The following ACD variants were observed in gnomAD, a reference collection of about 807,000 sequenced individuals.
ACD encodes the protein adrenocortical dysplasia protein homolog.
ACD carries 39 observed loss-of-function variants against 53.9 expected under a neutral mutation model. The ratio of observed to expected loss-of-function variants is 0.72; its 90% CI spans 0.56 to 0.95. The LOEUF is 0.95. Ranked by LOEUF, ACD falls within the 40% of genes least tolerant of loss-of-function variation. The pLI is 0.00. For synonymous variants in ACD, 273 were observed against 249.2 expected (o/e 1.10, Z -0.90); for missense variants, 526 against 587.9 (o/e 0.89, Z 1.09).
rs745664221 is a variant in ACD at position 67,659,633 on chromosome 16, AG to A, written c.337-21del. On this transcript the variant is annotated intron_variant, in intron 3 of 11. Transcript: ENST00000620761. ...TGCGGGCTGGAGGAGTTCGGGGGGAAGGGGGGGTCTCAGAATCGTCACGAAG... is the reference window on the plus strand; with the variant it reads ...TGCGGGCTGGAGGAGTTCGGGGGGAAGGGGGGTCTCAGAATCGTCACGAAG... The A allele has an allele frequency of 2.1e-5, 34 of 1,612,858 alleles. No individual in the cohort carries two copies. Among genetic ancestry groups the A allele is most frequent in the South Asian group, 1.6e-4 (15 of 91,074 alleles).
chr16:67,659,850 C>T (rs2052966803), intron 2 of ACD, 53 bp downstream of exon 2: 2 of 1,581,686 alleles, frequency 1.3e-6, no homozygotes, highest in Non-Finnish European at 1.7e-6. Flanking sequence ...GGCCCGCCCA[C>T]CTCGCGCTCT....
chr16:67,659,599 A>G lies in ACD; in HGVS notation c.351T>C (p.Tyr117=). The G allele has an allele frequency of 8.7e-6, 14 of 1,613,414 alleles. No individual in the cohort carries two copies. The highest frequency in any genetic ancestry group is 1.3e-5 in the African/African-American group (1 of 75,004). ...GCAGGCTGAAGCGGTCCACCTGGAGATAGAACTCTGCGGGCTGGAGGAGTT... is the reference window on the plus strand; with the variant it reads ...GCAGGCTGAAGCGGTCCACCTGGAGGTAGAACTCTGCGGGCTGGAGGAGTT... ...VAEGGAPAEF[Y]LQVDRFSLLP... Residue 117 remains tyrosine, a synonymous_variant, in exon 4 of 12, where the codon TAT becomes TAC. Transcript: ENST00000620761.
rs370757729 is a variant in ACD, at chr16:67,658,025, G to A, written c.1167C>T (p.Thr389=). Residue 389 remains threonine (T), a synonymous_variant, in exon 10 of 12, where the codon ACC becomes ACT. Transcript: ENST00000620761. ...PCKNRPPFPR[T]GATRGAQEPC... ...GCTCCTGGGCTCCCCTGGTAGCTCC[G>A]GTCCTGGGAAAAGGCGGCCGATTCT... The A allele has an allele frequency of 7.8e-6, 12 of 1,548,110 alleles. No individual in the cohort carries two copies. The highest frequency in any genetic ancestry group is 6.8e-5 in the African/African-American group (5 of 73,002).
At chr16:67,659,314 C>A in intron 5 of ACD, 51 bp from the exon 6 acceptor site, 1 of 1,614,088 alleles carries the variant, frequency 6.2e-7, no homozygotes, top group Non-Finnish European at 8.5e-7. Context: ...GGCCTGTCTA[C>A]CTAGATACAC....
At chr16:67,659,108 A>C (rs2052940646) in intron 6 of ACD, 29 bp from the exon 7 acceptor site, 1 of 1,610,008 alleles carries the variant, frequency 6.2e-7, no homozygotes, top group Non-Finnish European at 8.5e-7. Flanking sequence ...GGGATGAGTC[A>C]AGGCTTAAAG....
chr16:67,657,603 G>A lies in ACD; in HGVS notation c.*3C>T, dbSNP rs372366640. On this transcript the variant is annotated 3_prime_UTR_variant, in exon 12 of 12. Coordinates refer to ENST00000620761, the MANE Select transcript of ACD (RefSeq NM_001082486.2). This position sits in a 1 kb window ranked among gnomAD's most constrained non-coding sequence, Gnocchi z 4.5. ...TGGAGCGGTATCTGTCCTGCGTGAC[G>A]TCTCACATCGGAGTTGGCTCAGACC... 108 of 1,614,026 alleles carry A rather than the reference G, an allele frequency of 6.7e-5. No homozygotes were observed. Among genetic ancestry groups the A allele is most frequent in the East Asian group, 5.6e-4 (25 of 44,900 alleles).
chr16:67,658,903 C>G, intron 7 of ACD, 25 bp downstream of exon 7: 6 of 1,609,714 alleles, frequency 3.7e-6, no homozygotes, highest in Non-Finnish European at 5.1e-6. Context: ...ACCCTGACAT[C>G]TCCCAAGCAA....
chr16:67,658,411 A>G (rs1384924557), intron 9 of ACD, 49 bp from the exon 10 acceptor site: 3 of 1,611,900 alleles, frequency 1.9e-6, no homozygotes, highest in Non-Finnish European at 2.5e-6. Context: ...CGCTCAGGGC[A>G]GCTGAGTGGC....
chr16:67,657,589 C>CT lies in ACD; in HGVS notation c.*16dup. On this transcript the variant is annotated 3_prime_UTR_variant, in exon 12 of 12. Transcript: ENST00000620761. This position sits in a 1 kb window ranked among gnomAD's most constrained non-coding sequence, Gnocchi z 4.5. Reference sequence around the variant, plus strand: ...AAGGAAGCAGAGTGTGGAGCGGTATCTGTCCTGCGTGACGTCTCACATCGG... The same window carrying CT: ...AAGGAAGCAGAGTGTGGAGCGGTATCTTGTCCTGCGTGACGTCTCACATCGG... The CT allele has an allele frequency of 6.2e-7, 1 of 1,614,096 alleles. No individual in the cohort carries two copies. Among genetic ancestry groups the CT allele is most frequent in the Non-Finnish European group, 8.5e-7 (1 of 1,179,988 alleles).
chr16:67,657,956 A>G lies in ACD; in HGVS notation c.1206+30T>C. The G allele has an allele frequency of 1.3e-6, 2 of 1,591,834 alleles. No individual in the cohort carries two copies. Among genetic ancestry groups the G allele is most frequent in the Non-Finnish European group, 1.7e-6 (2 of 1,167,180 alleles). ...CTCTACCTCAGGCCTTCCTTGTTCTACCCTCCAGCTGCAGAGGGGCTATGC... is the reference window on the plus strand; with the variant it reads ...CTCTACCTCAGGCCTTCCTTGTTCTGCCCTCCAGCTGCAGAGGGGCTATGC... On this transcript the variant is annotated intron_variant, in intron 10 of 11. Transcript: ENST00000620761. This position sits in a 1 kb window ranked among gnomAD's most constrained non-coding sequence, Gnocchi z 4.5.
At position 67,658,318 on chromosome 16, in the gene ACD, T is replaced by C. The variant is rs1597769258; in HGVS notation, c.874A>G (p.Thr292Ala). 6.2e-7 allele frequency: 1 copy of C among 1,613,732 alleles called. No individual in the cohort carries two copies. The highest frequency in any genetic ancestry group is 1.1e-5 in the South Asian group (1 of 91,092). The change falls in exon 10 of 12, where the codon ACC (threonine) becomes GCC (alanine). Residue 292 changes from threonine to alanine, a missense_variant. Transcript: ENST00000620761. ...AGGGCAGGCAGAAGGCTGATGCTGG[T>C]ACCACTTTCCTCGGATGACATGTGG... ...PGHMSSEESG[T>A]SISLLPALSL... is the part of the protein sequence containing the mutation.
Position 67,660,017 on chromosome 16 carries a change from G to A in ACD, c.128C>T (p.Ala43Val), listed in dbSNP as rs752683720. 1 of 1,606,538 alleles carries A rather than the reference G, an allele frequency of 6.2e-7. No individual in the cohort carries two copies. The highest frequency in any genetic ancestry group is 1.7e-4 in the Middle Eastern group (1 of 6,040). Residue 43 changes from alanine to valine, a missense_variant, in exon 2 of 12, where the codon GCG becomes GTG. Ala to Val is a moderately conservative substitution (Grantham distance 64). Coordinates refer to ENST00000620761, the MANE Select transcript of ACD (RefSeq NM_001082486.2). ...CGTATCAGGGGCGTGGGATGGGCCC[G>A]CGACCGCGGCCTCGGCGTCCTGTAG... is the stretch of plus-strand genomic sequence containing the variant. ...EVLQDAEAAV[A>V]GPSHAPDTSD...
rs988374315 is a variant in ACD, at chr16:67,658,492, G to A, written c.829+63C>T. 3 of 1,577,450 alleles carry A rather than the reference G, an allele frequency of 1.9e-6. No individual in the cohort carries two copies. The African/African-American group carries it at 4.0e-5, about 21-fold the overall frequency. ...CACCGTGCACCTTTCACAGCATCCT[G>A]CGCAGCCCGGGAACCTGACTGACAG... On this transcript the variant is annotated intron_variant, in intron 9 of 11. Transcript: ENST00000620761.
intron 9 of ACD, 47 bp downstream of exon 9, chr16:67,658,508 T>C (rs1200602988): frequency 6.4e-7 from 1 of 1,570,218 alleles, no homozygotes; most frequent in South Asian, 1.2e-5. Context: ...CCCGGGAACC[T>C]GACTGACAGG....
chr16:67,659,863 T>C (rs762194053), intron 2 of ACD, 40 bp downstream of exon 2: 3 of 1,580,462 alleles, frequency 1.9e-6, no homozygotes, highest in East Asian at 2.3e-5. Flanking sequence ...CGCGCTCTCC[T>C]GCCGGACTCC....
rs1303051467 is a variant in ACD, at chr16:67,657,918, T to G, written c.1207-65A>C. 4 of 1,611,266 alleles carry G rather than the reference T, an allele frequency of 2.5e-6. No individual in the cohort carries two copies. The African/African-American group carries it at 5.3e-5, about 22-fold the overall frequency. On this transcript the variant is annotated intron_variant, in intron 10 of 11. Coordinates refer to ENST00000620761, the MANE Select transcript of ACD (RefSeq NM_001082486.2). The surrounding 1 kb of genome is among the most constrained non-coding windows in gnomAD (Gnocchi z 4.5). ...CCCCAACCCCATCCAAGGCTACCCA[T>G]GCTCCCTCCCAGCTCTACCTCAGGC... is the stretch of plus-strand genomic sequence containing the variant.
Position 67,658,323 on chromosome 16 carries a change from C to A in ACD, c.869G>T (p.Ser290Ile). ...ALPGHMSSEE[S>I]GTSISLLPAL... ...AGGCAGAAGGCTGATGCTGGTACCA[C>A]TTTCCTCGGATGACATGTGGCCGGG... Residue 290 changes from serine to isoleucine, a missense_variant, in exon 10 of 12, where the codon AGT becomes ATT. Physicochemically the swap from Ser to Ile is moderately radical, Grantham distance 142. Coordinates refer to ENST00000620761, the MANE Select transcript of ACD (RefSeq NM_001082486.2). 1 of 1,613,888 alleles carries A rather than the reference C, an allele frequency of 6.2e-7. No homozygotes were observed. The highest frequency in any genetic ancestry group is 1.1e-5 in the South Asian group (1 of 91,092).
chr16:67,657,838 G>C lies in ACD; in HGVS notation c.1222C>G (p.His408Asp). ...TACTGGAAGGCAGAACCATCACGAT[G>C]CCTCTTTGGGGGTTCCTGAAAGGGG... ...PCSVWEPPKRHRDGSAFQYEY... is the reference protein window; with the variant it reads ...PCSVWEPPKRDRDGSAFQYEY... The change falls in exon 11 of 12, where the codon CAT (histidine) becomes GAT (aspartate). Residue 408 changes from histidine to aspartate, a missense_variant. Coordinates refer to ENST00000620761, the MANE Select transcript of ACD (RefSeq NM_001082486.2). The surrounding 1 kb of genome is among the most constrained non-coding windows in gnomAD (Gnocchi z 4.5). The C allele has an allele frequency of 1.2e-6, 2 of 1,614,098 alleles. No individual in the cohort carries two copies. The highest frequency in any genetic ancestry group is 8.5e-7 in the Non-Finnish European group (1 of 1,180,032).
intron 6 of ACD, 60 bp from the exon 7 acceptor site, chr16:67,659,139 G>C: frequency 6.2e-7 from 1 of 1,608,866 alleles, no homozygotes; most frequent in Non-Finnish European, 8.5e-7. Context: ...GGAGGGTGAG[G>C]GGGAAGACAG....
Sources: allele counts gnomAD v4.1 joint callset, GRCh38; gene constraint gnomAD v4.1.1; non-coding constraint Gnocchi (gnomAD v3.1); transcripts MANE v1.5; gene names NCBI Gene and HGNC (gene_info 2026-07-23, HGNC 2026-07-21).